The following EPB41L2 variants were observed in gnomAD, a reference collection of about 807,000 sequenced individuals.
EPB41L2 encodes erythrocyte membrane protein band 4.1 like 2.
EPB41L2 carries 43 observed loss-of-function variants against 113.0 expected under a neutral mutation model. That is an observed-to-expected ratio of 0.38 (90% CI 0.30 to 0.49). The LOEUF (loss-of-function observed/expected upper bound fraction) is 0.49. EPB41L2 is among the 20% of genes least tolerant of loss of function. The pLI is 0.95. For missense variants in EPB41L2, 1,147 were observed against 1,223.4 expected (o/e 0.94, Z 0.93); for synonymous variants, 442 against 436.7 (o/e 1.01, Z -0.15).
chr6:130,977,125 C>T (rs936226290), intron 1 of EPB41L2, among the ~76,000 whole-genome samples: 2 of 152,194 alleles, frequency 1.3e-5, no homozygotes, highest in Non-Finnish European at 2.9e-5. Context: ...TGACACCCAC[C>T]TTGCCTTAGG....
chr6:131,042,141 T>G (rs1356967121), intron 1 of EPB41L2, among the ~76,000 whole-genome samples: 2 of 152,166 alleles, frequency 1.3e-5, no homozygotes, highest in African/African-American at 4.8e-5. Context: ...TTCTACTCTA[T>G]GTTTGCATAC....
intron 1 of EPB41L2, among the ~76,000 whole-genome samples, chr6:131,038,892 G>GA (rs560309355): frequency 8.1e-4 from 123 of 152,204 alleles, no homozygotes; most frequent in African/African-American, 2.9e-3. Context: ...TTATTCTGGG[G>GA]AAAAAACTTA....
intron 1 of EPB41L2, among the ~76,000 whole-genome samples, chr6:130,990,157 C>T (rs1409687282): frequency 1.3e-5 from 2 of 152,054 alleles, no homozygotes. Flanking sequence ...CCTGCCTCTA[C>T]TGAAAATGCA....
intron 19 of EPB41L2, among the ~76,000 whole-genome samples, chr6:130,857,613 C>G (rs1171824019): frequency 8.7e-6 from 1 of 114,948 alleles, no homozygotes; most frequent in East Asian, 2.8e-4. Flanking sequence ...GGATAGAGTT[C>G]AGTGGCGCAA....
intron 1 of EPB41L2, among the ~76,000 whole-genome samples, chr6:130,969,741 A>G (rs939681509): frequency 6.6e-6 from 1 of 152,146 alleles, no homozygotes. Context: ...GAAGCACTTT[A>G]TAAGTAAATT....
intron 1 of EPB41L2, among the ~76,000 whole-genome samples, chr6:131,010,750 G>A (rs546755851): frequency 1.3e-5 from 2 of 152,218 alleles, no homozygotes; most frequent in African/African-American, 4.8e-5. Context: ...CATCAGATTT[G>A]AGTGTGTAAA....
intron 3 of EPB41L2, among the ~76,000 whole-genome samples, chr6:130,952,161 A>G (rs899669581): frequency 2.0e-5 from 3 of 152,172 alleles, no homozygotes; most frequent in African/African-American, 7.2e-5. Flanking sequence ...CACCGATGAC[A>G]ATGTGGCAAA....
chr6:130,916,014 A>G (rs75552037), intron 4 of EPB41L2, among the ~76,000 whole-genome samples: 16 of 152,290 alleles, frequency 1.1e-4, no homozygotes, highest in Non-Finnish European at 1.8e-4. Context: ...CCAATTTTAG[A>G]TTACTATTTT....
chr6:131,058,781 C>T lies in EPB41L2; in HGVS notation c.-15+4374G>A, dbSNP rs545717073. ...CTGTAATCCCAACACTTTGGGAGGC[C>T]AAGTCGGGTGGATCACTTGAGGTCA... On this transcript the variant is annotated intron_variant, in intron 1 of 19. Coordinates refer to ENST00000337057, the MANE Select transcript of EPB41L2 (RefSeq NM_001431.4). Among the ~76,000 whole-genome samples the T allele has an allele frequency of 1.6e-4, 24 of 152,268 alleles. No individual in the cohort carries two copies. The South Asian group carries it at 4.1e-3, about 26-fold the overall frequency.
intron 1 of EPB41L2, among the ~76,000 whole-genome samples, chr6:131,044,679 G>T (rs928997524): frequency 4.6e-5 from 7 of 152,140 alleles, no homozygotes; most frequent in African/African-American, 1.7e-4. Context: ...CCTTGGGAAA[G>T]CACTCCATTC....
At chr6:130,985,823 C>T (rs779735215) in intron 1 of EPB41L2, among the ~76,000 whole-genome samples, 5 of 152,076 alleles carry the variant, frequency 3.3e-5, no homozygotes, top group Non-Finnish European at 5.9e-5. Flanking sequence ...TTTTGTTTTG[C>T]TTTTTTGGTA....
intron 3 of EPB41L2, among the ~76,000 whole-genome samples, chr6:130,949,678 G>C (rs1814169636): frequency 6.6e-6 from 1 of 151,838 alleles, no homozygotes; most frequent in African/African-American, 2.4e-5. Flanking sequence ...AAACTGAATG[G>C]TAATGAAAGC....
chr6:130,879,676 C>T (rs1788649429), intron 13 of EPB41L2, among the ~76,000 whole-genome samples: 2 of 132,496 alleles, frequency 1.5e-5, no homozygotes, highest in African/African-American at 5.8e-5. Context: ...GAAAGTGGAC[C>T]ACATTCCCAA....
In EPB41L2 at chr6:130,894,973, C is replaced by A; in HGVS notation, c.1383G>T (p.Pro461=). The part of the protein sequence containing the change: ...KRSNFYIKVR[P]AELEQFESTI... The stretch of plus-strand genomic sequence containing the variant: ...TAGAAATGTCTTGGCTTACCTCTGC[C>A]GGTCTGACTTTAATGTAGAAGTTAC... Residue 461 remains proline (P), a synonymous_variant, in exon 9 of 20, where the codon CCG becomes CCT. Coordinates refer to ENST00000337057, the MANE Select transcript of EPB41L2 (RefSeq NM_001431.4). The A allele has an allele frequency of 6.2e-7, 1 of 1,612,570 alleles. No individual in the cohort carries two copies.
chr6:130,912,724 A>T (rs1799798349), intron 4 of EPB41L2, among the ~76,000 whole-genome samples: 1 of 152,098 alleles, frequency 6.6e-6, no homozygotes, highest in Admixed American at 6.5e-5. Flanking sequence ...CTGGCTCACA[A>T]ATGGCCAGCC....
rs1464695448 is a variant in EPB41L2, at chr6:130,974,702, T to TTTTTC, written c.-14-18208_-14-18204dup. On this transcript the variant is annotated intron_variant, in intron 1 of 19. Transcript: ENST00000337057. ...AGACTTTTCCACTAAGGCAGCCTCTTTTTTCTTTTCTTTTCTTTTTTTTTT... is the reference window on the plus strand; with the variant it reads ...AGACTTTTCCACTAAGGCAGCCTCTTTTTTCTTTTCTTTTCTTTTCTTTTTTTTTT... Among the ~76,000 whole-genome samples the TTTTTC allele has an allele frequency of 3.5e-4, 51 of 147,438 alleles. 1 individual carries two copies. Among genetic ancestry groups the TTTTTC allele is most frequent in the Non-Finnish European group, 4.6e-4 (31 of 66,898 alleles).
chr6:130,846,164 T>G (rs1024277594), intron 19 of EPB41L2, among the ~76,000 whole-genome samples: 1 of 152,226 alleles, frequency 6.6e-6, no homozygotes, highest in Non-Finnish European at 1.5e-5. Context: ...ATTAAGACTC[T>G]TGAGGAGATC....
intron 1 of EPB41L2, among the ~76,000 whole-genome samples, chr6:130,961,056 T>A (rs972238855): frequency 3.3e-5 from 5 of 152,278 alleles, no homozygotes; most frequent in Non-Finnish European, 7.3e-5. Context: ...GACCAGGAGA[T>A]TTGCCTGAGA....
chr6:131,049,399 C>G (rs1048278345), intron 1 of EPB41L2, among the ~76,000 whole-genome samples: 4 of 152,222 alleles, frequency 2.6e-5, no homozygotes, highest in African/African-American at 9.7e-5. Flanking sequence ...CTTTCCCATA[C>G]ACAACTTTCA....
Sources: gnomAD v4.1 joint callset for allele counts (sites outside exome capture counted in the v4.1 genomes callset) on GRCh38, gnomAD v4.1.1 for gene constraint, MANE v1.5 for transcripts, NCBI Gene and HGNC (gene_info 2026-07-23, HGNC 2026-07-21) for gene names.